Variants in MYO1C observed in about 807,000 individuals in gnomAD.
MYO1C encodes the protein unconventional myosin-Ic.
A neutral mutation model predicts 150.8 loss-of-function variants in MYO1C; 104 were observed. That is an observed-to-expected ratio of 0.69 (90% CI 0.59 to 0.81). The LOEUF (loss-of-function observed/expected upper bound fraction) is 0.81, where lower values mean the gene tolerates loss of function less well. Ranked by LOEUF, MYO1C falls within the 30% of genes least tolerant of loss-of-function variation. The probability of loss-of-function intolerance (pLI) is 0.00; values close to 1 mark genes in which losing one functional copy is unlikely to be tolerated. For missense variants in MYO1C, 1,504 were observed against 1,435.0 expected (o/e 1.05, Z -0.78); for synonymous variants, 663 against 579.9 (o/e 1.14, Z -2.06).
rs893805866 is a variant in MYO1C, at chr17:1,492,021, T to C, written c.75+392A>G. 8 of 265,956 alleles carry C rather than the reference T, an allele frequency of 3.0e-5. No individual in the cohort carries two copies. In the East Asian group the frequency reaches 6.1e-4, roughly 20 times the overall value. The allele number at this position is 265,956 out of a possible 1,614,324, so 16.5% of individuals were successfully genotyped here. On this transcript the variant is annotated intron_variant, in intron 1 of 31. Transcript: ENST00000648651. The stretch of plus-strand genomic sequence containing the variant: ...GACCCTTCACCCACCTCCCACACCG[T>C]CCTTCTGTTCTGAGTCTTGGGCGGT...
intron 5 of MYO1C, 129 bp from the exon 6 acceptor site, chr17:1,481,014 C>G (rs2074509186): frequency 2.0e-6 from 2 of 1,010,834 alleles, no homozygotes; most frequent in Admixed American, 4.4e-5. Context: ...CTGCCACTAG[C>G]TGCGTCGGCT....
At chr17:1,487,789 G>C (rs2074682668) in intron 1 of MYO1C, among the ~76,000 whole-genome samples, 2 of 152,182 alleles carry the variant, frequency 1.3e-5, no homozygotes, top group Admixed American at 6.5e-5. Context: ...CGTGGTGGTG[G>C]GCGCCTGTGT....
In MYO1C at chr17:1,465,698, C is replaced by T. The variant is rs372318243; in HGVS notation, c.*28G>A. On this transcript the variant is annotated 3_prime_UTR_variant, in exon 32 of 32. Transcript: ENST00000648651. ...AGGAGGAGAAAAGCAAAGCATTGGG[C>T]GTTGGGAGGGTCCAGTGGGCGCCTT... The T allele has an allele frequency of 1.8e-4, 241 of 1,330,182 alleles. 1 individual carries two copies. The South Asian group carries it at 3.4e-3, about 19-fold the overall frequency. 82.4% of individuals were successfully genotyped at this position (1,330,182 alleles called of 1,614,324 possible).
intron 1 of MYO1C, chr17:1,484,762 T>C: frequency 2.8e-6 from 1 of 361,376 alleles, no homozygotes; most frequent in South Asian, 2.1e-5. Flanking sequence ...GGAGGAGGAG[T>C]TGAGTTAGAC....
chr17:1,478,489 C>T lies in MYO1C; in HGVS notation c.1216G>A (p.Val406Met), dbSNP rs147254661. Residue 406 changes from valine to methionine, a missense_variant, in exon 11 of 32, where the codon GTG becomes ATG. Transcript: ENST00000648651. The surrounding 1 kb of genome is among the most constrained non-coding windows in gnomAD (Gnocchi z 6.3). ...GTGCTCCGCCAGCTGGGGCTCTCCA[C>T]GTCCTAGGGCAGTCATTCAACCGAA... ...KINRSLASKD[V>M]ESPSWRSTTV... is the part of the protein sequence containing the mutation. 5.0e-5 allele frequency: 81 copies of T among 1,614,170 alleles called. No individual in the cohort carries two copies. The African/African-American group carries it at 8.9e-4, about 18-fold the overall frequency.
chr17:1,474,939 G>A lies in MYO1C; in HGVS notation c.1668C>T (p.Thr556=), dbSNP rs1401860688. The change falls in exon 15 of 32, where the codon ACC becomes ACT. Residue 556 remains threonine, a splice_region_variant and synonymous_variant. Coordinates refer to ENST00000648651, the MANE Select transcript of MYO1C (RefSeq NM_001080779.2). The part of the protein sequence containing the change: ...HYAGEVTYSV[T]GFLDKNNDLL... Reference sequence around the variant, plus strand: ...GGGACACAGCCCCAGGATCCTCACCGGTCACGCTGTAGGTCACCTCCCCCG... The same window carrying A: ...GGGACACAGCCCCAGGATCCTCACCAGTCACGCTGTAGGTCACCTCCCCCG... The A allele has an allele frequency of 3.1e-6, 5 of 1,599,208 alleles. No homozygotes were observed. The highest frequency in any genetic ancestry group is 2.3e-5 in the East Asian group (1 of 44,184).
intron 29 of MYO1C, 51 bp from the exon 30 acceptor site, chr17:1,467,628 A>AC: frequency 1.3e-6 from 2 of 1,516,898 alleles, no homozygotes; most frequent in Non-Finnish European, 1.8e-6. Context: ...AACTTGAGGA[A>AC]CCCCCGCCCC....
At chr17:1,484,542 G>A in intron 1 of MYO1C, 2 of 606,272 alleles carry the variant, frequency 3.3e-6, no homozygotes, top group South Asian at 1.9e-5. Flanking sequence ...GGATCACCGA[G>A]GCTGCGGGCA....
chr17:1,476,973 G>C (rs1042576502), intron 14 of MYO1C, among the ~76,000 whole-genome samples: 2 of 151,654 alleles, frequency 1.3e-5, no homozygotes. Flanking sequence ...CGAGTAGCTG[G>C]GATTATAGGC....
rs1023009101 is a variant in MYO1C at position 1,478,341 on chromosome 17, G to A, written c.1295+69C>T. The A allele has an allele frequency of 1.9e-5, 30 of 1,594,680 alleles. No homozygotes were observed. In the African/African-American group the frequency reaches 3.5e-4, roughly 19 times the overall value. On this transcript the variant is annotated intron_variant, in intron 11 of 31. Transcript: ENST00000648651. This position sits in a 1 kb window ranked among gnomAD's most constrained non-coding sequence, Gnocchi z 6.3. ...GGGAGTCACAGGGCAGGAATGAGAG[G>A]CTGGAGGACAGAAGAGAGGGAGCAG...
At chr17:1,490,490 TC>T (rs2074717281) in intron 1 of MYO1C, among the ~76,000 whole-genome samples, 1 of 151,950 alleles carries the variant, frequency 6.6e-6, no homozygotes, top group African/African-American at 2.4e-5. Context: ...AGAGCGAGAC[TC>T]CATCTCAAAA....
At position 1,491,409 on chromosome 17, in the gene MYO1C, G is replaced by A. The variant is rs1244297746; in HGVS notation, c.75+1004C>T. On this transcript the variant is annotated intron_variant, in intron 1 of 31. Coordinates refer to ENST00000648651, the MANE Select transcript of MYO1C (RefSeq NM_001080779.2). ...TCCCGCTCCCCGCAGGTAAATCTAA[G>A]TCTCCACCAGGCTGCGCCGGCGCCT... Among the ~76,000 whole-genome samples, 8 of 150,596 alleles carry A rather than the reference G, an allele frequency of 5.3e-5. No homozygotes were observed. The South Asian group carries it at 1.2e-3, about 24-fold the overall frequency.
intron 1 of MYO1C, chr17:1,485,487 G>A (rs1434444537): frequency 8.3e-6 from 5 of 603,542 alleles, no homozygotes; most frequent in Non-Finnish European, 2.2e-6. Context: ...GTTCTCAGGC[G>A]TCCCCGGCGG....
chr17:1,473,013 C>T (rs1456098912), intron 17 of MYO1C, among the ~76,000 whole-genome samples: 1 of 152,128 alleles, frequency 6.6e-6, no homozygotes, highest in East Asian at 1.9e-4. Context: ...CTAGCCTGGC[C>T]AACATGGTGA....
intron 5 of MYO1C, 96 bp from the exon 6 acceptor site, chr17:1,480,981 A>C (rs1284786015): frequency 3.0e-5 from 42 of 1,400,544 alleles, no homozygotes; most frequent in Non-Finnish European, 7.9e-6. Flanking sequence ...TTTGGCAGCC[A>C]GACCTGGATG....
At chr17:1,485,287 G>A in intron 1 of MYO1C, 2 of 1,130,706 alleles carry the variant, frequency 1.8e-6, no homozygotes, top group Non-Finnish European at 2.2e-6. Context: ...AGAAGAACAA[G>A]GTGGTGGTGA....
At position 1,492,415 on chromosome 17, in the gene MYO1C, G is replaced by A. The variant is rs1249092402; in HGVS notation, c.73C>T (p.Leu25Phe). 4 of 1,604,034 alleles carry A rather than the reference G, an allele frequency of 2.5e-6. No homozygotes were observed. Among genetic ancestry groups the A allele is most frequent in the South Asian group, 1.1e-5 (1 of 89,326 alleles). ...CAGCCCAGAGCATCCCAGCTTACAA[G>A]CTTGCAGGGCCTGTGGGGATGAACC... ...RVVHPHRPCK[L>F]ALGSDGVRVT... is the part of the protein sequence containing the mutation. The change falls in exon 1 of 32, where the codon CTT (leucine) becomes TTT (phenylalanine). Residue 25 changes from leucine (L) to phenylalanine (F), a missense_variant and splice_region_variant. By Grantham distance (22) the Leu-to-Phe change is conservative. Transcript: ENST00000648651.
chr17:1,468,523 G>A (rs1266600466), intron 25 of MYO1C, 27 bp from the exon 26 acceptor site: 1 of 1,589,228 alleles, frequency 6.3e-7, no homozygotes, highest in Admixed American at 1.7e-5. Context: ...GGTGAGGAGA[G>A]TGTCATGGTG....
intron 1 of MYO1C, 172 bp from the exon 2 acceptor site, chr17:1,484,475 T>C: frequency 1.4e-6 from 1 of 737,602 alleles, no homozygotes; most frequent in Non-Finnish European, 2.2e-6. Flanking sequence ...CTGGGTGTGG[T>C]GGGCCGGGTG....
Sources: allele counts gnomAD v4.1 joint callset (sites outside exome capture counted in the v4.1 genomes callset), GRCh38; gene constraint gnomAD v4.1.1; non-coding constraint Gnocchi (gnomAD v3.1); transcripts MANE v1.5; gene names NCBI Gene and HGNC (gene_info 2026-07-23, HGNC 2026-07-21).